GOPC: variants seen among roughly 807,000 people sequenced by gnomAD.
GOPC encodes golgi associated PDZ and coiled-coil motif containing.
In GOPC, 32 loss-of-function variants were observed where a neutral mutation model predicts 51.2. The observed-to-expected ratio is 0.63, with a 90% CI of 0.47 to 0.84. GOPC has a LOEUF of 0.84. Ranked by LOEUF, GOPC falls within the 40% of genes least tolerant of loss-of-function variation. GOPC has a pLI of 0.00. For synonymous variants in GOPC, 190 were observed against 205.1 expected, an observed-to-expected ratio of 0.93 and a Z score of 0.63; for missense variants, 441 against 555.5, an observed-to-expected ratio of 0.79 and a Z score of 2.07.
chr6:117,569,765 A>G lies in GOPC; in HGVS notation c.913-29T>C, dbSNP rs766343056. On this transcript the variant is annotated intron_variant, in intron 6 of 8. Coordinates refer to ENST00000368498, the MANE Select transcript of GOPC (RefSeq NM_020399.4). The stretch of plus-strand genomic sequence containing the variant: ...ACAACAACAAAGGGCAGTAAATTAA[A>G]GTACTCTTTGTAAGGTACAGTTACC... 7.1e-6 allele frequency: 11 copies of G among 1,547,660 alleles called. No individual in the cohort carries two copies. The East Asian group carries it at 2.6e-4, about 37-fold the overall frequency.
intron 1 of GOPC, among the ~76,000 whole-genome samples, chr6:117,591,363 T>G (rs1365233663): frequency 6.6e-6 from 1 of 152,240 alleles, no homozygotes; most frequent in Admixed American, 6.5e-5. Flanking sequence ...AAGCATTTGA[T>G]GGTTCAAACT....
intron 1 of GOPC, among the ~76,000 whole-genome samples, chr6:117,582,111 G>C (rs1779966555): frequency 6.6e-6 from 1 of 151,718 alleles, no homozygotes; most frequent in African/African-American, 2.4e-5. Context: ...AGGTTTAACT[G>C]CCTTTTCATA....
At chr6:117,599,043 G>A (rs1194232487) in intron 1 of GOPC, among the ~76,000 whole-genome samples, 1 of 151,870 alleles carries the variant, frequency 6.6e-6, no homozygotes, top group African/African-American at 2.4e-5. Flanking sequence ...AAATAAAAAA[G>A]AATAGCCCTA....
Position 117,560,913 on chromosome 6 carries a change from T to C in GOPC, c.*2341A>G, listed in dbSNP as rs773019322. 4 of 212,078 alleles carry C rather than the reference T, an allele frequency of 1.9e-5. No homozygotes were observed. The highest frequency in any genetic ancestry group is 1.5e-3 in the Middle Eastern group (1 of 648). The allele number at this position is 212,078 out of a possible 1,614,324, so 13.1% of individuals were successfully genotyped here. ...TTGTCCTAGAAGTTTCAGGGACATA[T>C]GAATTTCTTTCCTATAAATGTGAAA... On this transcript the variant is annotated 3_prime_UTR_variant, in exon 9 of 9. Coordinates refer to ENST00000368498, the MANE Select transcript of GOPC (RefSeq NM_020399.4).
chr6:117,570,114 A>T (rs1440052952), intron 6 of GOPC, among the ~76,000 whole-genome samples: 2 of 152,066 alleles, frequency 1.3e-5, no homozygotes, highest in African/African-American at 4.8e-5. Context: ...TGTAGAATTG[A>T]AAAAATGCAG....
rs1419112123 is a variant in GOPC, at chr6:117,567,024, A to G, written c.1088T>C (p.Ile363Thr). 1 of 1,583,002 alleles carries G rather than the reference A, an allele frequency of 6.3e-7. No individual in the cohort carries two copies. The highest frequency in any genetic ancestry group is 1.9e-5 in the Admixed American group (1 of 51,462). The change falls in exon 8 of 9, where the codon ATT becomes ACT. Residue 363 changes from isoleucine to threonine, a missense_variant. Around this residue, in one of 3 missense-constraint regions of GOPC, gnomAD observed 166 missense variants for 267.0 expected, o/e 0.62. Transcript: ENST00000368498. ...AGCCACATAAACTACTTCAAATTCAATCTCTCCTCTCTAAAACAGGAAATG... is the reference window on the plus strand; with the variant it reads ...AGCCACATAAACTACTTCAAATTCAGTCTCTCCTCTCTAAAACAGGAAATG... ...VTILSQQRGE[I>T]EFEVVYVAPE...
chr6:117,593,875 T>C (rs1780154788), intron 1 of GOPC, among the ~76,000 whole-genome samples: 1 of 152,194 alleles, frequency 6.6e-6, no homozygotes, highest in Admixed American at 6.5e-5. Context: ...TTTTTTTTAT[T>C]TTTACCTCTC....
intron 2 of GOPC, 118 bp from the exon 3 acceptor site, chr6:117,577,589 C>T: frequency 1.4e-6 from 1 of 720,860 alleles, no homozygotes; most frequent in South Asian, 1.9e-5. Context: ...GGGTAAAGTT[C>T]ATTAGAACAA....
chr6:117,597,070 GTTTTATAGT>G (rs929505265), intron 1 of GOPC, among the ~76,000 whole-genome samples: 13 of 152,228 alleles, frequency 8.5e-5, no homozygotes, highest in African/African-American at 3.1e-4. Flanking sequence ...TTTCAGCAGT[GTTTTATAGT>G]TTTCTTTGTA....
intron 2 of GOPC, among the ~76,000 whole-genome samples, chr6:117,578,237 A>G (rs1197491982): frequency 6.6e-6 from 1 of 152,160 alleles, no homozygotes; most frequent in African/African-American, 2.4e-5. Context: ...CCATATGGCC[A>G]ATAGGAGACT....
chr6:117,569,789 C>A (rs1484811512), intron 6 of GOPC, 53 bp from the exon 7 acceptor site: 3 of 1,481,312 alleles, frequency 2.0e-6, no homozygotes, highest in East Asian at 5.1e-5. Flanking sequence ...GGTACAGTTA[C>A]CGATTAATCT....
In GOPC at chr6:117,573,703, G is replaced by A. The variant is rs1036383018; in HGVS notation, c.651-71C>T. 2.0e-5 allele frequency: 26 copies of A among 1,275,168 alleles called. No homozygotes were observed. The Middle Eastern group carries it at 5.9e-4, about 29-fold the overall frequency. 79.0% of individuals were successfully genotyped at this position (1,275,168 alleles called of 1,614,324 possible). ...ACAGTGAGAATTCAGGAAAATTAGT[G>A]AACATAAGTAGCTTTTGCATGAATC... On this transcript the variant is annotated intron_variant, in intron 4 of 8. Coordinates refer to ENST00000368498, the MANE Select transcript of GOPC (RefSeq NM_020399.4).
chr6:117,594,600 G>A (rs546579817), intron 1 of GOPC, among the ~76,000 whole-genome samples: 10 of 152,090 alleles, frequency 6.6e-5, no homozygotes, highest in African/African-American at 1.2e-4. Flanking sequence ...TCATAAGTGC[G>A]TACTGGATCA....
intron 1 of GOPC, among the ~76,000 whole-genome samples, chr6:117,596,611 G>T (rs1356738473): frequency 1.3e-5 from 2 of 152,106 alleles, no homozygotes; most frequent in Non-Finnish European, 2.9e-5. Context: ...TCTACATGTG[G>T]CTTGCCAATT....
At chr6:117,592,697 C>A (rs1224871688) in intron 1 of GOPC, among the ~76,000 whole-genome samples, 1 of 152,126 alleles carries the variant, frequency 6.6e-6, no homozygotes, top group Non-Finnish European at 1.5e-5. Context: ...CATAATTACA[C>A]CTGCAAAGAC....
intron 1 of GOPC, among the ~76,000 whole-genome samples, chr6:117,581,343 A>G (rs149943327): frequency 7.6e-4 from 115 of 152,306 alleles, no homozygotes; most frequent in Non-Finnish European, 1.0e-3. Context: ...ATCACTCCCT[A>G]TTAATAAAAC....
At chr6:117,597,254 G>C (rs1224575681) in intron 1 of GOPC, among the ~76,000 whole-genome samples, 2 of 152,174 alleles carry the variant, frequency 1.3e-5, no homozygotes, top group Non-Finnish European at 2.9e-5. Context: ...AAATTTTGCT[G>C]AATTCATTTA....
intron 1 of GOPC, among the ~76,000 whole-genome samples, chr6:117,599,535 T>A (rs751502837): frequency 9.9e-5 from 15 of 152,108 alleles, no homozygotes; most frequent in Non-Finnish European, 1.8e-4. Context: ...CAGATTAACA[T>A]CAAAGACAAA....
intron 1 of GOPC, among the ~76,000 whole-genome samples, chr6:117,582,631 C>T (rs1410506774): frequency 1.3e-5 from 2 of 151,308 alleles, no homozygotes; most frequent in East Asian, 4.0e-4. Flanking sequence ...AGAGAGGCAA[C>T]TTGACTTCAG....
Sources: allele counts gnomAD v4.1 joint callset (sites outside exome capture counted in the v4.1 genomes callset), GRCh38; gene constraint gnomAD v4.1.1; regional missense constraint gnomAD v4.1.1; transcripts MANE v1.5; gene names NCBI Gene and HGNC (gene_info 2026-07-23, HGNC 2026-07-21).